NELL1: variants seen among roughly 807,000 people sequenced by gnomAD.
NELL1 encodes the protein neural EGFL like 1, also known as protein kinase C-binding protein NELL1.
In NELL1, 76 loss-of-function variants were observed where a neutral mutation model predicts 107.4. The observed-to-expected ratio is 0.71, with a 90% CI of 0.59 to 0.86. The LOEUF is 0.86. Among genes scored for constraint, NELL1 ranks in the 40% least tolerant of loss-of-function variants. The pLI, the probability that NELL1 is intolerant of heterozygous loss-of-function variation, is 0.00. For synonymous variants in NELL1, 353 were observed against 341.2 expected (o/e 1.03, Z -0.38); for missense variants, 1,024 against 1,005.5 (o/e 1.02, Z -0.25).
intron 14 of NELL1, among the ~76,000 whole-genome samples, chr11:21,300,717 C>T (rs1230232998): frequency 2.0e-5 from 3 of 151,878 alleles, no homozygotes; most frequent in Admixed American, 6.6e-5. Flanking sequence ...GAATGAGATT[C>T]GCACCAATAA....
At chr11:20,818,272 G>A (rs1857667904) in intron 3 of NELL1, among the ~76,000 whole-genome samples, 1 of 152,050 alleles carries the variant, frequency 6.6e-6, no homozygotes, top group African/African-American at 2.4e-5. Flanking sequence ...CCATTTTTGG[G>A]TGCATATCTA....
At chr11:21,493,710 A>G (rs566131853) in intron 15 of NELL1, among the ~76,000 whole-genome samples, 203 of 152,144 alleles carry the variant, frequency 1.3e-3, no homozygotes, top group African/African-American at 4.8e-3. Context: ...TATAGTTAGC[A>G]AGAATGTATT....
intron 12 of NELL1, among the ~76,000 whole-genome samples, chr11:21,093,314 T>G (rs1854563521): frequency 6.6e-6 from 1 of 152,236 alleles, no homozygotes; most frequent in Admixed American, 6.5e-5. Context: ...CTTTGCCATT[T>G]GGGCAGAGTC....
chr11:21,071,863 A>T (rs562417741), intron 12 of NELL1, among the ~76,000 whole-genome samples: 1 of 152,286 alleles, frequency 6.6e-6, no homozygotes, highest in Admixed American at 6.5e-5. Flanking sequence ...CCTTTAAATA[A>T]TGAGAGTATC....
At chr11:21,216,164 C>T (rs1052389131) in intron 13 of NELL1, among the ~76,000 whole-genome samples, 2 of 152,146 alleles carry the variant, frequency 1.3e-5, no homozygotes, top group Non-Finnish European at 2.9e-5. Flanking sequence ...TGACAGCTTC[C>T]ATGTAGTGTT....
chr11:20,948,205 C>T (rs1851002610), intron 11 of NELL1, among the ~76,000 whole-genome samples: 1 of 151,810 alleles, frequency 6.6e-6, no homozygotes, highest in Non-Finnish European at 1.5e-5. Context: ...CCATCACACC[C>T]AACTAATTTT....
chr11:21,003,458 T>C (rs1852266798), intron 12 of NELL1, among the ~76,000 whole-genome samples: 1 of 152,164 alleles, frequency 6.6e-6, no homozygotes, highest in Admixed American at 6.6e-5. Flanking sequence ...CCTGAAAAGT[T>C]TAGGCTTGCA....
At chr11:21,092,438 T>G (rs1854543287) in intron 12 of NELL1, among the ~76,000 whole-genome samples, 1 of 152,154 alleles carries the variant, frequency 6.6e-6, no homozygotes, top group Non-Finnish European at 1.5e-5. Flanking sequence ...TACATGAGGT[T>G]CTAGTGAGAA....
At chr11:21,002,354 A>G (rs17232918) in intron 12 of NELL1, among the ~76,000 whole-genome samples, 10,142 of 152,214 alleles carry the variant, frequency 0.067, 424 homozygotes, top group Middle Eastern at 0.13. Context: ...CATTCTGACT[A>G]TTCCGTCTTT....
chr11:21,228,202 A>G (rs978082964), intron 13 of NELL1, among the ~76,000 whole-genome samples: 1 of 152,222 alleles, frequency 6.6e-6, no homozygotes, highest in Non-Finnish European at 1.5e-5. Context: ...TTGTTTAGTT[A>G]TAGAGGAGTC....
chr11:20,960,364 A>C, intron 11 of NELL1, 68 bp from the exon 12 acceptor site: 2 of 1,492,608 alleles, frequency 1.3e-6, no homozygotes, highest in African/African-American at 1.4e-5. Context: ...AAAATGTTAC[A>C]TACTTTATTT....
chr11:21,313,920 C>G (rs1258981506), intron 14 of NELL1, among the ~76,000 whole-genome samples: 1 of 149,358 alleles, frequency 6.7e-6, no homozygotes, highest in Non-Finnish European at 1.5e-5. Context: ...GCACCATCCA[C>G]TTTGTGCTGT....
intron 2 of NELL1, among the ~76,000 whole-genome samples, chr11:20,706,302 A>T (rs1283141867): frequency 6.6e-6 from 1 of 152,174 alleles, no homozygotes; most frequent in East Asian, 1.9e-4. Context: ...ATATAAGAAA[A>T]TGTGGCATAT....
At chr11:21,523,584 G>A (rs1564939808) in intron 15 of NELL1, among the ~76,000 whole-genome samples, 4 of 152,048 alleles carry the variant, frequency 2.6e-5, no homozygotes, top group Non-Finnish European at 5.9e-5. Flanking sequence ...GCACTTTGCT[G>A]ATTACCTGAC....
intron 2 of NELL1, among the ~76,000 whole-genome samples, chr11:20,681,858 A>C (rs1854197389): frequency 6.6e-6 from 1 of 152,030 alleles, no homozygotes; most frequent in South Asian, 2.1e-4. Context: ...TGGCTGCATC[A>C]GTCCAAGGTC....
intron 12 of NELL1, among the ~76,000 whole-genome samples, chr11:21,074,873 A>G (rs1184668321): frequency 6.6e-6 from 1 of 152,194 alleles, no homozygotes; most frequent in Non-Finnish European, 1.5e-5. Flanking sequence ...AGTAGTGTCA[A>G]TGAATGAAGT....
intron 3 of NELL1, among the ~76,000 whole-genome samples, chr11:20,837,300 T>C (rs952179006): frequency 9.9e-5 from 15 of 152,180 alleles, no homozygotes; most frequent in Non-Finnish European, 2.2e-4. Context: ...GAATTATCTA[T>C]GTGATAACAG....
At chr11:21,436,981 G>A in intron 15 of NELL1, among the ~76,000 whole-genome samples, 1 of 152,096 alleles carries the variant, frequency 6.6e-6, no homozygotes, top group East Asian at 1.9e-4. Flanking sequence ...GAAGGTACTT[G>A]ATATGATTTA....
At chr11:20,910,247 C>T in intron 5 of NELL1, among the ~76,000 whole-genome samples, 1 of 152,278 alleles carries the variant, frequency 6.6e-6, no homozygotes, top group East Asian at 1.9e-4. Context: ...AGTAGATGTT[C>T]ACAAGACCCT....
Sources: gnomAD v4.1 joint callset for allele counts (sites outside exome capture counted in the v4.1 genomes callset) on GRCh38, gnomAD v4.1.1 for gene constraint, MANE v1.5 for transcripts, NCBI Gene and HGNC (gene_info 2026-07-23, HGNC 2026-07-21) for gene names.